The following HSD17B12 variants were observed in gnomAD, a reference collection of about 807,000 sequenced individuals.
HSD17B12 encodes very-long-chain 3-oxoacyl-CoA reductase.
A neutral mutation model predicts 39.3 loss-of-function variants in HSD17B12; 32 were observed. That is an observed-to-expected ratio of 0.81 (90% CI 0.61 to 1.09). The LOEUF is 1.09. Among genes scored for constraint, HSD17B12 ranks in the 50% least tolerant of loss-of-function variants. The pLI, the probability that HSD17B12 is intolerant of heterozygous loss-of-function variation, is 0.00. For synonymous variants in HSD17B12, 150 were observed against 146.7 expected (o/e 1.02, Z -0.16); for missense variants, 342 against 382.9 (o/e 0.89, Z 0.89).
Position 43,838,344 on chromosome 11 carries a change from A to G in HSD17B12, c.564A>G (p.Ser188=), listed in dbSNP as rs761227868. ...CCAAAGGGGCTATTCTGAACATTTC[A>G]TCTGGCAGTGGCATGCTCCCTGTCC... ...ERSKGAILNI[S]SGSGMLPVPL... is the part of the protein sequence containing the mutation. The change falls in exon 8 of 11, where the codon TCA becomes TCG. Residue 188 remains serine, a synonymous_variant. Transcript: ENST00000278353. The G allele has an allele frequency of 1.9e-6, 3 of 1,613,254 alleles. No individual in the cohort carries two copies. The South Asian group carries it at 3.3e-5, about 18-fold the overall frequency.
the HSD17B12 span, among the ~76,000 whole-genome samples, chr11:43,601,462 A>G: frequency 6.8e-6 from 1 of 146,392 alleles, no homozygotes; most frequent in Non-Finnish European, 1.5e-5. Flanking sequence ...ATTTCACAGT[A>G]TCATTTGGTT....
At chr11:43,654,552 C>T in the HSD17B12 span, among the ~76,000 whole-genome samples, 15 of 151,818 alleles carry the variant, frequency 9.9e-5, no homozygotes, top group African/African-American at 2.7e-4. Context: ...GTCTTTAATC[C>T]ATCTTGAATT....
chr11:43,582,334 G>A, the HSD17B12 span, among the ~76,000 whole-genome samples: 1 of 152,116 alleles, frequency 6.6e-6, no homozygotes, highest in Admixed American at 6.5e-5. Context: ...TGGGGAGGGG[G>A]GCAAAGCTGC....
chr11:43,730,014 A>AT (rs137876572), intron 1 of HSD17B12, among the ~76,000 whole-genome samples: 10,059 of 151,858 alleles, frequency 0.066, 437 homozygotes, highest in Middle Eastern at 0.19. Context: ...CTGACTTGAC[A>AT]TACTGTTTTT....
At chr11:43,581,548 C>T in the HSD17B12 span, 2 of 436,326 alleles carry the variant, frequency 4.6e-6, no homozygotes, top group Non-Finnish European at 9.8e-6. This position sits in a 1 kb window ranked among gnomAD's most constrained non-coding sequence, Gnocchi z 4.9. Flanking sequence ...GAAGCTGCTC[C>T]ATCCGAGCCT....
the HSD17B12 span, among the ~76,000 whole-genome samples, chr11:43,610,112 T>C: frequency 1.3e-5 from 2 of 152,232 alleles, no homozygotes; most frequent in South Asian, 4.1e-4. Flanking sequence ...GATTTCTTTC[T>C]GAATGTATTT....
chr11:43,755,605 G>C (rs746237192), intron 3 of HSD17B12: 1 of 152,186 alleles, frequency 6.6e-6, no homozygotes, highest in Non-Finnish European at 1.5e-5. Flanking sequence ...AATGAGAATT[G>C]ATGAGAGAGG....
chr11:43,723,304 G>C (rs563854119), intron 1 of HSD17B12, among the ~76,000 whole-genome samples: 36 of 152,300 alleles, frequency 2.4e-4, no homozygotes, highest in Admixed American at 1.6e-3. Flanking sequence ...ATTTTAGATA[G>C]TAGCTTTTAT....
chr11:43,563,088 G>C, the HSD17B12 span, among the ~76,000 whole-genome samples: 2 of 152,114 alleles, frequency 1.3e-5, no homozygotes, highest in Non-Finnish European at 2.9e-5. Context: ...GTCTTGTATT[G>C]CCATGACTTC....
intron 3 of HSD17B12, among the ~76,000 whole-genome samples, chr11:43,777,982 T>C (rs1049371138): frequency 2.8e-4 from 43 of 151,958 alleles, no homozygotes; most frequent in African/African-American, 9.7e-4. Context: ...ATAATTAAAA[T>C]CAGAGCAGAA....
rs192790852 is a variant in HSD17B12 at position 43,809,315 on chromosome 11, G to A, written c.392-6122G>A. On this transcript the variant is annotated intron_variant, in intron 4 of 10. Coordinates refer to ENST00000278353, the MANE Select transcript of HSD17B12 (RefSeq NM_016142.3). ...CCCATTTTATGTCAAAGGACAATGA[G>A]GCAATCACTAGTTTCTTGTTAGGAG... Among the ~76,000 whole-genome samples, 33 of 152,264 alleles carry A rather than the reference G, an allele frequency of 2.2e-4. No individual in the cohort carries two copies. In the East Asian group the frequency reaches 6.2e-3, roughly 28 times the overall value.
the HSD17B12 span, among the ~76,000 whole-genome samples, chr11:43,662,761 G>T: frequency 6.6e-6 from 1 of 152,152 alleles, no homozygotes; most frequent in Non-Finnish European, 1.5e-5. Context: ...TGGTTGGACA[G>T]CTTCAGAGCA....
chr11:43,780,452 G>A (rs555696210), intron 3 of HSD17B12, among the ~76,000 whole-genome samples: 1 of 152,296 alleles, frequency 6.6e-6, no homozygotes, highest in East Asian at 1.9e-4. Flanking sequence ...ACAGGTGTGA[G>A]CCACTGCCCC....
At chr11:43,779,082 C>G (rs1428803936) in intron 3 of HSD17B12, among the ~76,000 whole-genome samples, 1 of 152,138 alleles carries the variant, frequency 6.6e-6, no homozygotes, top group Non-Finnish European at 1.5e-5. Flanking sequence ...AGGTTCATCT[C>G]AAATATTTTG....
intron 6 of HSD17B12, among the ~76,000 whole-genome samples, chr11:43,817,821 A>G (rs1428358983): frequency 6.6e-6 from 1 of 151,486 alleles, no homozygotes; most frequent in African/African-American, 2.4e-5. Flanking sequence ...TTTTTTGGCT[A>G]TGTGGACTTT....
At chr11:43,740,924 A>G (rs1362191099) in intron 1 of HSD17B12, among the ~76,000 whole-genome samples, 4 of 152,246 alleles carry the variant, frequency 2.6e-5, no homozygotes, top group African/African-American at 9.6e-5. Flanking sequence ...CCAGATGTGC[A>G]TTTAACACAT....
At chr11:43,668,712 T>A in the HSD17B12 span, among the ~76,000 whole-genome samples, 2 of 152,094 alleles carry the variant, frequency 1.3e-5, no homozygotes, top group African/African-American at 2.4e-5. Flanking sequence ...TATTATTATA[T>A]ATATTTTTGA....
At chr11:43,759,857 A>G (rs1950541255) in intron 3 of HSD17B12, among the ~76,000 whole-genome samples, 1 of 151,256 alleles carries the variant, frequency 6.6e-6, no homozygotes, top group Non-Finnish European at 1.5e-5. Context: ...CCTCCCAGGT[A>G]GCTGGGACTA....
chr11:43,646,386 C>G, the HSD17B12 span: 1 of 152,102 alleles, frequency 6.6e-6, no homozygotes, highest in Non-Finnish European at 1.5e-5. Context: ...TTAAATGATC[C>G]ATATTGTCCA....
Sources: allele counts gnomAD v4.1 joint callset (sites outside exome capture counted in the v4.1 genomes callset), GRCh38; gene constraint gnomAD v4.1.1; non-coding constraint Gnocchi (gnomAD v3.1); transcripts MANE v1.5; gene names NCBI Gene and HGNC (gene_info 2026-07-23, HGNC 2026-07-21).